The following DCC variants were observed in gnomAD, a reference collection of about 807,000 sequenced individuals.
DCC encodes DCC netrin 1 receptor, also known as netrin receptor DCC.
Under a neutral mutation model 172.5 loss-of-function variants are expected in DCC, and 58 were observed. The ratio of observed to expected loss-of-function variants is 0.34; its 90% CI spans 0.27 to 0.42. The LOEUF is 0.42. Among genes scored for constraint, DCC ranks in the 10% least tolerant of loss-of-function variants. The pLI, the probability that DCC is intolerant of heterozygous loss-of-function variation, is 1.00. For synonymous variants in DCC, 709 were observed against 644.5 expected (o/e 1.10, Z -1.52); for missense variants, 1,740 against 1,791.0 (o/e 0.97, Z 0.51).
In DCC at chr18:53,401,336, CT is replaced by C. The variant is rs1393816331; in HGVS notation, c.2828-1444del. On this transcript the variant is annotated intron_variant, in intron 18 of 28. Coordinates refer to ENST00000442544, the MANE Select transcript of DCC (RefSeq NM_005215.4). Reference sequence around the variant, plus strand: ...TCTCTTTCTCCATCCATCCCTTCTTCTTTTTTGAAAATGTGAATATATTAAG... The same window carrying C: ...TCTCTTTCTCCATCCATCCCTTCTTCTTTTTGAAAATGTGAATATATTAAG... 3.9e-5 allele frequency among the ~76,000 whole-genome samples: 6 copies of C among 152,082 alleles called. 1 individual carries two copies. The highest frequency in any genetic ancestry group is 3.9e-4 in the Admixed American group (6 of 15,274).
chr18:52,624,226 A>T (rs2034531412), intron 1 of DCC, among the ~76,000 whole-genome samples: 2 of 152,220 alleles, frequency 1.3e-5, no homozygotes, highest in African/African-American at 4.8e-5. Flanking sequence ...TGCATCCTAT[A>T]ATTAAAATTT....
intron 5 of DCC, among the ~76,000 whole-genome samples, chr18:53,031,704 A>C (rs933316543): frequency 6.6e-6 from 1 of 152,180 alleles, no homozygotes; most frequent in African/African-American, 2.4e-5. Context: ...ACTGGACACC[A>C]ATCTAAAATT....
intron 1 of DCC, among the ~76,000 whole-genome samples, chr18:52,537,673 G>T (rs999877029): frequency 1.3e-5 from 2 of 152,136 alleles, no homozygotes; most frequent in Non-Finnish European, 2.9e-5. Context: ...GACGACGAAT[G>T]AAAGGAAATA....
At chr18:52,641,170 A>G (rs1279242496) in intron 1 of DCC, among the ~76,000 whole-genome samples, 1 of 152,220 alleles carries the variant, frequency 6.6e-6, no homozygotes, top group African/African-American at 2.4e-5. Flanking sequence ...CACATGTAGG[A>G]GAATAAAACT....
At chr18:53,014,121 A>G (rs1468494597) in intron 5 of DCC, among the ~76,000 whole-genome samples, 1 of 152,068 alleles carries the variant, frequency 6.6e-6, no homozygotes, top group African/African-American at 2.4e-5. Flanking sequence ...AGATATTCTG[A>G]TCGTAATGAT....
chr18:52,537,542 T>C (rs2032321429), intron 1 of DCC, among the ~76,000 whole-genome samples: 2 of 152,158 alleles, frequency 1.3e-5, no homozygotes, highest in Admixed American at 6.5e-5. Flanking sequence ...ATTTCTAACT[T>C]GGAGGCTTAA....
rs577168163 is a variant in DCC, at chr18:52,982,205, A to G, written c.985+56835A>G. On this transcript the variant is annotated intron_variant, in intron 5 of 28. Transcript: ENST00000442544. ...ATAGAGGGGCAGGATTTTAAAAAGTATGGAACTTGAAAACTTAATTCAGGG... is the reference window on the plus strand; with the variant it reads ...ATAGAGGGGCAGGATTTTAAAAAGTGTGGAACTTGAAAACTTAATTCAGGG... 3.3e-5 allele frequency among the ~76,000 whole-genome samples: 5 copies of G among 152,282 alleles called. No individual in the cohort carries two copies. In the East Asian group the frequency reaches 7.7e-4, roughly 24 times the overall value.
intron 25 of DCC, among the ~76,000 whole-genome samples, chr18:53,484,006 GATAGATA>G (rs1376327649): frequency 3.6e-5 from 5 of 139,888 alleles, no homozygotes; most frequent in Non-Finnish European, 7.9e-5. Context: ...TAGATAGATA[GATAGATA>G]TAGTGTGTGT....
chr18:52,927,136 CGT>C (rs373015996), intron 5 of DCC, among the ~76,000 whole-genome samples: 425 of 19,772 alleles, frequency 0.021, 31 homozygotes, highest in African/African-American at 0.043. Flanking sequence ...CACGTATATA[CGT>C]GTATATATGT....
intron 17 of DCC, among the ~76,000 whole-genome samples, chr18:53,394,540 T>C (rs10163694): frequency 0.42 from 64,544 of 151,948 alleles, 15,478 homozygotes; most frequent in Non-Finnish European, 0.55. Context: ...ATGTTTTATA[T>C]GAATTTCTAT....
At chr18:52,905,301 G>T (rs1392245902) in intron 2 of DCC, among the ~76,000 whole-genome samples, 1 of 151,936 alleles carries the variant, frequency 6.6e-6, no homozygotes, top group Non-Finnish European at 1.5e-5. Context: ...TATGAACATT[G>T]AAGTGACTAT....
chr18:52,684,135 G>GCC (rs2035791444), intron 1 of DCC, among the ~76,000 whole-genome samples: 1 of 151,972 alleles, frequency 6.6e-6, no homozygotes, highest in Non-Finnish European at 1.5e-5. Flanking sequence ...AATTACCTCT[G>GCC]CCCATTTATT....
chr18:52,701,262 T>A (rs1047624437), intron 1 of DCC, among the ~76,000 whole-genome samples: 3 of 152,214 alleles, frequency 2.0e-5, no homozygotes, highest in African/African-American at 7.2e-5. Flanking sequence ...TGCTTCTTAT[T>A]GATATCCTAG....
chr18:52,350,505 A>G (rs946510372), intron 1 of DCC, among the ~76,000 whole-genome samples: 13 of 151,868 alleles, frequency 8.6e-5, no homozygotes, highest in African/African-American at 2.9e-4. Flanking sequence ...GGGGAACATC[A>G]TCATACACCG....
At chr18:52,604,179 C>G (rs1401635162) in intron 1 of DCC, among the ~76,000 whole-genome samples, 1 of 152,096 alleles carries the variant, frequency 6.6e-6, no homozygotes, top group Non-Finnish European at 1.5e-5. Context: ...CTAAGAGCCT[C>G]AACTTGGCAT....
chr18:52,880,664 C>T (rs963160086), intron 2 of DCC, among the ~76,000 whole-genome samples: 1 of 152,172 alleles, frequency 6.6e-6, no homozygotes, highest in Non-Finnish European at 1.5e-5. Context: ...CCTCCACCTC[C>T]ATCAGTGTTG....
intron 1 of DCC, among the ~76,000 whole-genome samples, chr18:52,416,331 G>GA (rs905220905): frequency 2.4e-4 from 36 of 151,656 alleles, no homozygotes; most frequent in African/African-American, 8.2e-4. Flanking sequence ...GTGTGGTGCT[G>GA]AAAAAAATGT....
intron 27 of DCC, among the ~76,000 whole-genome samples, chr18:53,506,902 T>G (rs1477699502): frequency 6.7e-6 from 1 of 150,274 alleles, no homozygotes; most frequent in African/African-American, 2.4e-5. Flanking sequence ...TCAGTGGAAG[T>G]CAGTCAGAGT....
At chr18:53,322,020 T>TC (rs767920504) in intron 13 of DCC, 27 bp from the exon 14 acceptor site, 13 of 1,291,014 alleles carry the variant, frequency 1.0e-5, no homozygotes, top group Admixed American at 5.0e-5. Flanking sequence ...GTAACTTTCT[T>TC]CCCCCCTGTG....
Sources: gnomAD v4.1 joint callset for allele counts (sites outside exome capture counted in the v4.1 genomes callset) on GRCh38, gnomAD v4.1.1 for gene constraint, MANE v1.5 for transcripts, NCBI Gene and HGNC (gene_info 2026-07-23, HGNC 2026-07-21) for gene names.